Variants in TANC2 observed in about 807,000 individuals in gnomAD.
The protein encoded by TANC2 is tetratricopeptide repeat, ankyrin repeat and coiled-coil containing 2, also known as protein TANC2.
In TANC2, 26 loss-of-function variants were observed where a neutral mutation model predicts 210.5. That is an observed-to-expected ratio of 0.12 (90% CI 0.09 to 0.17). TANC2 has a LOEUF of 0.17. Ranked by LOEUF, TANC2 falls within the 10% of genes least tolerant of loss-of-function variation. TANC2 has a pLI of 1.00. For missense variants in TANC2, 2,129 were observed against 2,608.9 expected (o/e 0.82, Z 4.01); for synonymous variants, 931 against 967.1 (o/e 0.96, Z 0.69).
chr17:63,038,689 A>T (rs911328675), intron 2 of TANC2, among the ~76,000 whole-genome samples: 4 of 152,094 alleles, frequency 2.6e-5, no homozygotes, highest in Non-Finnish European at 4.4e-5. Flanking sequence ...ACTTTATGTA[A>T]TAGTTATAGC....
intron 11 of TANC2, among the ~76,000 whole-genome samples, chr17:63,337,450 CT>C (rs923037410): frequency 1.3e-5 from 2 of 151,894 alleles, no homozygotes; most frequent in African/African-American, 4.8e-5. Context: ...TTGTTTTTCT[CT>C]ATATAGATAA....
In TANC2 at chr17:63,124,638, T is replaced by C. The variant is rs547163274; in HGVS notation, c.322+25281T>C. Among the ~76,000 whole-genome samples the C allele has an allele frequency of 3.0e-4, 46 of 152,302 alleles. No individual in the cohort carries two copies. The South Asian group carries it at 8.9e-3, about 30-fold the overall frequency. The stretch of plus-strand genomic sequence containing the variant: ...TAATTGCTTTTTGGTGTCTGTGATA[T>C]ATAGTCACATGTAGCAGGGATCCCC... On this transcript the variant is annotated intron_variant, in intron 4 of 27. Transcript: ENST00000689528.
chr17:63,134,876 G>A (rs2039036147), intron 4 of TANC2, among the ~76,000 whole-genome samples: 1 of 152,138 alleles, frequency 6.6e-6, no homozygotes, highest in African/African-American at 2.4e-5. Flanking sequence ...CTTGAAAGAT[G>A]CTGGAAAAGA....
At position 63,004,392 on chromosome 17, in the gene TANC2, G is replaced by C. The variant is rs527968506; in HGVS notation, c.-23-5145G>C. Among the ~76,000 whole-genome samples the C allele has an allele frequency of 2.0e-5, 3 of 152,206 alleles. No individual in the cohort carries two copies. In the South Asian group the frequency reaches 6.2e-4, roughly 32 times the overall value. On this transcript the variant is annotated intron_variant, in intron 1 of 27. Coordinates refer to ENST00000689528, the Ensembl canonical transcript of TANC2. ...GAATGAATTTGTTTTTTCATACCAC[G>C]TGGCATTTGTGCCAAGGTGGCTATG...
chr17:63,240,378 A>G (rs1051986585), intron 8 of TANC2, among the ~76,000 whole-genome samples: 2 of 152,162 alleles, frequency 1.3e-5, no homozygotes, highest in African/African-American at 2.4e-5. Context: ...TCACTACTTA[A>G]CATCAACATT....
rs758304035 is a variant in TANC2, at chr17:63,319,108, C to T, written c.1575+18C>T. On this transcript the variant is annotated intron_variant, in intron 11 of 27. Transcript: ENST00000689528. The stretch of plus-strand genomic sequence containing the variant: ...CCTCGCAGGTACAATATGATTCCCA[C>T]GTTGGGGATATGGTAGTTCCATTTT... 5 of 1,604,700 alleles carry T rather than the reference C, an allele frequency of 3.1e-6. No homozygotes were observed. The highest frequency in any genetic ancestry group is 1.3e-5 in the African/African-American group (1 of 74,682).
intron 17 of TANC2, 33 bp downstream of exon 17, chr17:63,389,577 C>A: frequency 1.3e-6 from 2 of 1,557,398 alleles, no homozygotes; most frequent in East Asian, 2.4e-5. Context: ...GCTTTTCTTC[C>A]CTTTTTCTTT....
chr17:63,099,807 A>G (rs2037557131), intron 4 of TANC2, among the ~76,000 whole-genome samples: 1 of 152,226 alleles, frequency 6.6e-6, no homozygotes, highest in Non-Finnish European at 1.5e-5. Context: ...GATAATTTAG[A>G]TATTTTCCTC....
chr17:63,104,571 G>A (rs1426226230), intron 4 of TANC2, among the ~76,000 whole-genome samples: 1 of 152,116 alleles, frequency 6.6e-6, no homozygotes, highest in Non-Finnish European at 1.5e-5. Context: ...AAATGTGTAT[G>A]TATGTGCGTA....
At position 63,418,528 on chromosome 17, in the gene TANC2, G is replaced by A. The variant is rs2048934314; in HGVS notation, c.4268+121G>A. On this transcript the variant is annotated intron_variant, in intron 27 of 27. Transcript: ENST00000689528. This position sits in a 1 kb window ranked among gnomAD's most constrained non-coding sequence, Gnocchi z 4.6. Reference sequence around the variant, plus strand: ...CATCTCTGTCCTTGAGAACTGTCAGGGCCAAGCTTTGGGGATGGCTCCCAT... The same window carrying A: ...CATCTCTGTCCTTGAGAACTGTCAGAGCCAAGCTTTGGGGATGGCTCCCAT... 4 of 864,374 alleles carry A rather than the reference G, an allele frequency of 4.6e-6. No homozygotes were observed. Among genetic ancestry groups the A allele is most frequent in the Non-Finnish European group, 5.3e-6 (3 of 566,148 alleles). 53.5% of individuals were successfully genotyped at this position (864,374 alleles called of 1,614,324 possible).
chr17:63,120,244 T>A (rs1298731476), intron 4 of TANC2, among the ~76,000 whole-genome samples: 1 of 152,170 alleles, frequency 6.6e-6, no homozygotes. Context: ...GTTTGTAAAC[T>A]GGCTAATGTA....
intron 5 of TANC2, among the ~76,000 whole-genome samples, chr17:63,173,519 G>T (rs1395059428): frequency 6.6e-6 from 1 of 152,200 alleles, no homozygotes; most frequent in Non-Finnish European, 1.5e-5. Flanking sequence ...CTCATGGTAT[G>T]CCCTGTTTCT....
At chr17:63,223,742 A>G (rs1334407130) in intron 7 of TANC2, among the ~76,000 whole-genome samples, 3 of 152,030 alleles carry the variant, frequency 2.0e-5, no homozygotes, top group Non-Finnish European at 4.4e-5. Context: ...AGTGTCTTTA[A>G]TAACGAGCAG....
chr17:63,014,257 C>G (rs776870168), intron 2 of TANC2, among the ~76,000 whole-genome samples: 1 of 151,730 alleles, frequency 6.6e-6, no homozygotes. Flanking sequence ...AGACATTGTT[C>G]TCATATTTAC....
chr17:63,128,348 G>A (rs7216611), intron 4 of TANC2, among the ~76,000 whole-genome samples: 91,112 of 151,872 alleles, frequency 0.6, 29,785 homozygotes, highest in African/African-American at 0.86. Flanking sequence ...TAACTCATAC[G>A]CCCCACAAAT....
chr17:63,357,788 C>T lies in TANC2; in HGVS notation c.2582+2398C>T, dbSNP rs185871622. Among the ~76,000 whole-genome samples, 26 of 152,366 alleles carry T rather than the reference C, an allele frequency of 1.7e-4. No individual in the cohort carries two copies. The South Asian group carries it at 4.3e-3, about 25-fold the overall frequency. On this transcript the variant is annotated intron_variant, in intron 14 of 27. Transcript: ENST00000689528. ...GGCTGCACTTGTTTTCCATTTCAGG[C>T]AGGTCTGATTAGCAGGACTCTCTCC...
At chr17:63,211,279 T>C (rs1055618026) in intron 7 of TANC2, among the ~76,000 whole-genome samples, 2 of 152,176 alleles carry the variant, frequency 1.3e-5, no homozygotes, top group African/African-American at 4.8e-5. Context: ...TATAGGTAAA[T>C]GAATTTACAT....
At chr17:63,146,865 C>A (rs1325484625) in intron 4 of TANC2, among the ~76,000 whole-genome samples, 1 of 152,118 alleles carries the variant, frequency 6.6e-6, no homozygotes, top group African/African-American at 2.4e-5. Context: ...CCCTCAACCA[C>A]CTGCCTCCCA....
intron 3 of TANC2, among the ~76,000 whole-genome samples, chr17:63,094,779 C>G (rs1347140812): frequency 6.6e-6 from 1 of 152,192 alleles, no homozygotes; most frequent in Admixed American, 6.6e-5. Flanking sequence ...ATTCTGACCT[C>G]AACTTCTGAA....
Sources: gnomAD v4.1 joint callset for allele counts (sites outside exome capture counted in the v4.1 genomes callset) on GRCh38, gnomAD v4.1.1 for gene constraint, Gnocchi (gnomAD v3.1) non-coding constraint, MANE v1.5 for transcripts, NCBI Gene and HGNC (gene_info 2026-07-23, HGNC 2026-07-21) for gene names.